Variants in UBTD2 observed in about 807,000 individuals in gnomAD.
The protein encoded by UBTD2 is ubiquitin domain-containing protein 2.
A neutral mutation model predicts 19.8 loss-of-function variants in UBTD2; 9 were observed. That is an observed-to-expected ratio of 0.46 (90% CI 0.27 to 0.79). UBTD2 has a LOEUF of 0.79. Ranked by LOEUF, UBTD2 falls within the 30% of genes least tolerant of loss-of-function variation. UBTD2 has a pLI of 0.14. For missense variants in UBTD2, 250 were observed against 300.4 expected (o/e 0.83, Z 1.24); for synonymous variants, 98 against 103.9 (o/e 0.94, Z 0.35).
chr5:172,247,336 T>C (rs1754901880), intron 1 of UBTD2, among the ~76,000 whole-genome samples: 1 of 151,646 alleles, frequency 6.6e-6, no homozygotes, highest in Admixed American at 6.6e-5. Context: ...ATAACAGACA[T>C]CAAGCAGAAA....
At chr5:172,262,468 A>AAAAAAAAAAAAAAAT (rs763651049) in intron 1 of UBTD2, among the ~76,000 whole-genome samples, 2 of 143,116 alleles carry the variant, frequency 1.4e-5, no homozygotes, top group Non-Finnish European at 3.0e-5. Context: ...AAAAAAAAAA[A>AAAAAAAAAAAAAAAT]CAAGAAAATG....
At chr5:172,252,633 A>T (rs1020331532) in intron 1 of UBTD2, among the ~76,000 whole-genome samples, 1 of 152,180 alleles carries the variant, frequency 6.6e-6, no homozygotes, top group African/African-American at 2.4e-5. Flanking sequence ...TCTTTCTTCA[A>T]GGTGGTCTCC....
chr5:172,256,845 C>T (rs1333439762), intron 1 of UBTD2, among the ~76,000 whole-genome samples: 3 of 152,120 alleles, frequency 2.0e-5, no homozygotes, highest in Admixed American at 1.3e-4. Flanking sequence ...CGCTTGAACC[C>T]CGCAGGTGGT....
intron 1 of UBTD2, among the ~76,000 whole-genome samples, chr5:172,241,482 G>C (rs1223270987): frequency 6.7e-6 from 1 of 150,308 alleles, no homozygotes; most frequent in East Asian, 1.9e-4. Context: ...AGTGTTAGAT[G>C]CAGAATGAGA....
At chr5:172,241,413 T>TAAAAAA (rs1175413571) in intron 1 of UBTD2, among the ~76,000 whole-genome samples, 2 of 118,286 alleles carry the variant, frequency 1.7e-5, no homozygotes, top group Non-Finnish European at 1.8e-5. Flanking sequence ...CTGTCTCAAT[T>TAAAAAA]AAAAAAAAAA....
intron 1 of UBTD2, among the ~76,000 whole-genome samples, chr5:172,264,306 G>A (rs1490391993): frequency 6.6e-6 from 1 of 151,974 alleles, no homozygotes; most frequent in Non-Finnish European, 1.5e-5. Flanking sequence ...CAGCACTTTG[G>A]GAGGCTGAGG....
chr5:172,243,828 A>AT (rs71577584), intron 1 of UBTD2, among the ~76,000 whole-genome samples: 7 of 149,300 alleles, frequency 4.7e-5, no homozygotes, highest in African/African-American at 7.4e-5. Context: ...CTCCCAAAGA[A>AT]TTTTTTTTTT....
At position 172,210,245 on chromosome 5, in the gene UBTD2, TAGG is replaced by T. The variant is rs1771414415; in HGVS notation, c.*1582_*1584del. ...ATTACAGATATATTTAATCAGGCAA[TAGG>T]AAATTCAATACCATTTAAACATTAC... On this transcript the variant is annotated 3_prime_UTR_variant, in exon 3 of 3. Transcript: ENST00000393792. 6.6e-6 allele frequency: 1 copy of T among 152,216 alleles called. No individual in the cohort carries two copies. Among genetic ancestry groups the T allele is most frequent in the South Asian group, 2.1e-4 (1 of 4,834 alleles). 9.4% of individuals were successfully genotyped at this position (152,216 alleles called of 1,614,324 possible).
chr5:172,259,856 C>A (rs1318357620), intron 1 of UBTD2, among the ~76,000 whole-genome samples: 1 of 152,002 alleles, frequency 6.6e-6, no homozygotes, highest in Non-Finnish European at 1.5e-5. Flanking sequence ...GAGTTCGATA[C>A]CAGCCTGGCC....
At chr5:172,272,310 C>T (rs1232827647) in intron 1 of UBTD2, among the ~76,000 whole-genome samples, 1 of 152,162 alleles carries the variant, frequency 6.6e-6, no homozygotes, top group Non-Finnish European at 1.5e-5. Flanking sequence ...TCTTTAAGTA[C>T]ATATGCATTA....
intron 1 of UBTD2, among the ~76,000 whole-genome samples, chr5:172,278,053 A>C (rs907404286): frequency 6.6e-6 from 1 of 152,164 alleles, no homozygotes; most frequent in African/African-American, 2.4e-5. Context: ...AAAAGAGAGA[A>C]ACTGGAACCA....
intron 1 of UBTD2, among the ~76,000 whole-genome samples, chr5:172,269,509 TAA>T (rs1263940040): frequency 6.7e-6 from 1 of 149,958 alleles, no homozygotes; most frequent in Non-Finnish European, 1.5e-5. Context: ...AAAAAAAAAT[TAA>T]GTTTGAAAAA....
At chr5:172,223,573 T>A (rs1325529326) in intron 2 of UBTD2, among the ~76,000 whole-genome samples, 1 of 102,490 alleles carries the variant, frequency 9.8e-6, no homozygotes, top group East Asian at 3.3e-4. Flanking sequence ...CACTCCAGCC[T>A]GGGCGACGGA....
At chr5:172,248,071 C>T (rs545248802) in intron 1 of UBTD2, among the ~76,000 whole-genome samples, 1 of 151,908 alleles carries the variant, frequency 6.6e-6, no homozygotes, top group South Asian at 2.1e-4. Flanking sequence ...AATGAATGGA[C>T]CAAAAAAGAA....
chr5:172,250,216 G>A (rs1040396272), intron 1 of UBTD2, among the ~76,000 whole-genome samples: 3 of 152,028 alleles, frequency 2.0e-5, no homozygotes, highest in African/African-American at 4.8e-5. Flanking sequence ...TGGGTAATAA[G>A]AGCAAAACTC....
intron 2 of UBTD2, among the ~76,000 whole-genome samples, chr5:172,218,788 A>T (rs1270807303): frequency 1.2e-4 from 8 of 67,360 alleles, no homozygotes; most frequent in African/African-American, 4.5e-4. Flanking sequence ...AAAAAAAAAA[A>T]ATAAAAAAAT....
intron 1 of UBTD2, among the ~76,000 whole-genome samples, chr5:172,247,287 A>G (rs894342006): frequency 1.3e-5 from 2 of 152,096 alleles, no homozygotes; most frequent in Non-Finnish European, 2.9e-5. Flanking sequence ...AAAAAAGTCA[A>G]TTCACCAAGA....
chr5:172,261,420 C>T (rs141096168), intron 1 of UBTD2, among the ~76,000 whole-genome samples: 75 of 152,314 alleles, frequency 4.9e-4, no homozygotes, highest in African/African-American at 1.7e-3. Flanking sequence ...ACTTCTTTCC[C>T]CACACAGTTC....
chr5:172,249,950 A>T (rs1354897926), intron 1 of UBTD2, among the ~76,000 whole-genome samples: 1 of 152,230 alleles, frequency 6.6e-6, no homozygotes, highest in African/African-American at 2.4e-5. Context: ...TACTCAATGA[A>T]GAGACACTGA....
Sources: allele counts gnomAD v4.1 joint callset (sites outside exome capture counted in the v4.1 genomes callset), GRCh38; gene constraint gnomAD v4.1.1; transcripts MANE v1.5; gene names NCBI Gene and HGNC (gene_info 2026-07-23, HGNC 2026-07-21).